Variants in RARRES1 observed in about 807,000 individuals in gnomAD.
RARRES1 encodes the protein retinoic acid receptor responder 1.
RARRES1 carries 34 observed loss-of-function variants against 30.6 expected under a neutral mutation model. That is an observed-to-expected ratio of 1.11 (90% confidence interval 0.84 to 1.48). RARRES1 has a LOEUF of 1.48. Among genes scored for constraint, RARRES1 ranks in the 40% most tolerant of loss-of-function variants. The pLI is 0.00. For synonymous variants in RARRES1, 153 were observed against 155.5 expected (o/e 0.98, Z 0.12); for missense variants, 373 against 386.5 (o/e 0.97, Z 0.29).
chr3:158,725,139 A>T (rs953897740), intron 1 of RARRES1, among the ~76,000 whole-genome samples: 2 of 152,036 alleles, frequency 1.3e-5, no homozygotes, highest in African/African-American at 4.8e-5. Context: ...TTCCTTTTGT[A>T]ATTTGATTTT....
intron 2 of RARRES1, among the ~76,000 whole-genome samples, chr3:158,712,385 C>G (rs576752362): frequency 3.6e-4 from 54 of 151,992 alleles, no homozygotes; most frequent in Middle Eastern, 3.4e-3. Context: ...GACCCTGCCT[C>G]AAAAAGAATA....
rs544355115 is a variant in RARRES1, at chr3:158,709,213, A to C, written c.535+1525T>G. On this transcript the variant is annotated intron_variant, in intron 3 of 5. Transcript: ENST00000237696. The stretch of plus-strand genomic sequence containing the variant: ...TCCCTATGGATATACAGGACTTATT[A>C]ACTAAACATACAGTTAGCCTGCACT... Among the ~76,000 whole-genome samples the C allele has an allele frequency of 1.1e-4, 17 of 152,356 alleles. No individual in the cohort carries two copies. The East Asian group carries it at 3.1e-3, about 28-fold the overall frequency.
intron 1 of RARRES1, among the ~76,000 whole-genome samples, chr3:158,731,440 C>T (rs1181051552): frequency 1.3e-5 from 2 of 152,172 alleles, no homozygotes; most frequent in Non-Finnish European, 2.9e-5. Flanking sequence ...TTCACACATA[C>T]GAGACAATTC....
At chr3:158,704,747 A>G (rs1726857418) in intron 4 of RARRES1, 44 bp downstream of exon 4, 1 of 1,599,266 alleles carries the variant, frequency 6.3e-7, no homozygotes. Context: ...GACCACTTTG[A>G]TTGTAACTCT....
At chr3:158,698,878 CT>C in intron 4 of RARRES1, among the ~76,000 whole-genome samples, 1 of 152,152 alleles carries the variant, frequency 6.6e-6, no homozygotes, top group Non-Finnish European at 1.5e-5. Flanking sequence ...CTGTTCTCTA[CT>C]TCCTGCTTAG....
intron 4 of RARRES1, among the ~76,000 whole-genome samples, chr3:158,701,475 G>C (rs1726721590): frequency 6.6e-6 from 1 of 151,942 alleles, no homozygotes; most frequent in Admixed American, 6.6e-5. Context: ...TGAGTATCAA[G>C]ATAGTAATTC....
At chr3:158,730,365 CTCCTTCCTTCCTTCCTTCCTTCCT>C (rs61461024) in intron 1 of RARRES1, among the ~76,000 whole-genome samples, 23 of 120,262 alleles carry the variant, frequency 1.9e-4, no homozygotes, top group African/African-American at 5.0e-4. Flanking sequence ...GAATAGGTTG[CTCCTTCCTTCCTTCCTTCCTTCCT>C]TCCTTCCTTC....
In RARRES1 at chr3:158,724,274, G is replaced by GC. The variant is rs770909688; in HGVS notation, c.276+7865dup. Among the ~76,000 whole-genome samples the GC allele has an allele frequency of 1.5e-3, 225 of 152,144 alleles. 1 individual carries two copies. Among genetic ancestry groups the GC allele is most frequent in the Non-Finnish European group, 2.8e-3 (193 of 67,998 alleles). On this transcript the variant is annotated intron_variant, in intron 1 of 5. Transcript: ENST00000237696. ...CACGGGGTGTGGTAGGCTGAATAAT[G>GC]CCCCCCCACAGCCCTTGCCCGAAGA...
intron 2 of RARRES1, among the ~76,000 whole-genome samples, chr3:158,711,863 G>C (rs894946423): frequency 6.6e-6 from 1 of 152,018 alleles, no homozygotes; most frequent in Non-Finnish European, 1.5e-5. Flanking sequence ...CAAAGTGCTG[G>C]GATTACAGGC....
intron 4 of RARRES1, among the ~76,000 whole-genome samples, chr3:158,704,079 C>T (rs2566328): frequency 3.3e-5 from 5 of 152,148 alleles, no homozygotes; most frequent in African/African-American, 1.2e-4. Context: ...CTTAACTCCT[C>T]TCATCTCTGA....
intron 1 of RARRES1, among the ~76,000 whole-genome samples, chr3:158,725,724 T>C (rs1028480589): frequency 2.0e-5 from 3 of 152,248 alleles, no homozygotes; most frequent in African/African-American, 4.8e-5. Context: ...CTTAGGAGAT[T>C]GAGGCAAAGT....
chr3:158,725,039 G>A (rs1455280166), intron 1 of RARRES1, among the ~76,000 whole-genome samples: 1 of 152,126 alleles, frequency 6.6e-6, no homozygotes, highest in Admixed American at 6.5e-5. Context: ...GCCCAGGCTG[G>A]TCTTGAACTC....
chr3:158,705,775 T>A (rs1669353175), intron 3 of RARRES1: 1 of 152,258 alleles, frequency 6.6e-6, no homozygotes, highest in South Asian at 2.1e-4. Context: ...TGGCAGCATC[T>A]CTGTCACTCT....
At chr3:158,714,888 T>C (rs1408017850) in intron 1 of RARRES1, among the ~76,000 whole-genome samples, 1 of 152,222 alleles carries the variant, frequency 6.6e-6, no homozygotes, top group Non-Finnish European at 1.5e-5. Context: ...ACAAACAGCA[T>C]TATTTTATTT....
At chr3:158,732,038 G>T (rs1727907499) in intron 1 of RARRES1, 102 bp downstream of exon 1, 2 of 1,144,294 alleles carry the variant, frequency 1.7e-6, no homozygotes. Flanking sequence ...CTTCCCTGGC[G>T]GACCATCCGT....
chr3:158,704,468 G>A (rs1726846131), intron 4 of RARRES1, among the ~76,000 whole-genome samples: 1 of 151,950 alleles, frequency 6.6e-6, no homozygotes, highest in Middle Eastern at 3.2e-3. Context: ...CTGACCTCAA[G>A]TGATCCTTCC....
chr3:158,706,516 C>T (rs528075284), intron 3 of RARRES1, among the ~76,000 whole-genome samples: 18 of 152,244 alleles, frequency 1.2e-4, no homozygotes, highest in Non-Finnish European at 1.8e-4. Context: ...TTGTTTCCAG[C>T]GCTGCCAGAG....
chr3:158,705,438 TAAG>T (rs1726887675), intron 3 of RARRES1, among the ~76,000 whole-genome samples: 1 of 149,166 alleles, frequency 6.7e-6, no homozygotes, highest in Non-Finnish European at 1.5e-5. Flanking sequence ...TCTTGTTAGT[TAAG>T]AAGCTTTTTT....
intron 4 of RARRES1, among the ~76,000 whole-genome samples, chr3:158,698,575 T>A (rs921817158): frequency 2.0e-5 from 3 of 152,218 alleles, no homozygotes; most frequent in African/African-American, 7.2e-5. Context: ...GCATTGGATA[T>A]TTTTCAGTAG....
Sources: gnomAD v4.1 joint callset for allele counts (sites outside exome capture counted in the v4.1 genomes callset) on GRCh38, gnomAD v4.1.1 for gene constraint, MANE v1.5 for transcripts, NCBI Gene and HGNC (gene_info 2026-07-23, HGNC 2026-07-21) for gene names.